DAB1: variants seen among roughly 807,000 people sequenced by gnomAD.
The protein encoded by DAB1 is DAB adaptor protein 1, also known as disabled homolog 1.
In DAB1, 15 loss-of-function variants were observed where a neutral mutation model predicts 64.6. That is an observed-to-expected ratio of 0.23 (90% CI 0.16 to 0.36). The LOEUF is 0.36. DAB1 is among the 10% of genes least tolerant of loss of function. DAB1 has a pLI of 1.00. For synonymous variants in DAB1, 235 were observed against 251.9 expected (o/e 0.93, Z 0.64); for missense variants, 596 against 706.7 (o/e 0.84, Z 1.78).
At chr1:57,719,932 C>G (rs1647131091) in intron 6 of DAB1, among the ~76,000 whole-genome samples, 1 of 152,204 alleles carries the variant, frequency 6.6e-6, no homozygotes, top group African/African-American at 2.4e-5. Context: ...TATATCAGAG[C>G]TGTTACTTAT....
rs1669977339 is a variant in DAB1 at position 57,259,015 on chromosome 1, T to A, written c.67+31949A>T. Among the ~76,000 whole-genome samples, 3 of 152,248 alleles carry A rather than the reference T, an allele frequency of 2.0e-5. No homozygotes were observed. The South Asian group carries it at 6.2e-4, about 32-fold the overall frequency. Reference sequence around the variant, plus strand: ...TTCATGCCTGCTTGGTAGATTTTTGTGAGGATTAATGAGATGGTTTTGATT... The same window carrying A: ...TTCATGCCTGCTTGGTAGATTTTTGAGAGGATTAATGAGATGGTTTTGATT... On this transcript the variant is annotated intron_variant, in intron 2 of 14. Transcript: ENST00000371236.
At chr1:58,357,052 A>G (rs919004201) in intron 3 of DAB1, among the ~76,000 whole-genome samples, 4 of 151,510 alleles carry the variant, frequency 2.6e-5, no homozygotes, top group South Asian at 4.2e-4. Flanking sequence ...AAAAAAAGTT[A>G]AAGTTTTTTT....
At chr1:57,399,350 A>G (rs1342241730) in intron 1 of DAB1, among the ~76,000 whole-genome samples, 1 of 152,226 alleles carries the variant, frequency 6.6e-6, no homozygotes, top group Non-Finnish European at 1.5e-5. Flanking sequence ...CCATAACATG[A>G]TAGATGGATG....
intron 3 of DAB1, among the ~76,000 whole-genome samples, chr1:58,366,353 T>C (rs1160640999): frequency 6.6e-6 from 1 of 152,190 alleles, no homozygotes; most frequent in Non-Finnish European, 1.5e-5. Flanking sequence ...ACAGGGCCAG[T>C]GACTAAGGGA....
chr1:57,458,754 C>T (rs140378499), intron 7 of DAB1, among the ~76,000 whole-genome samples: 1 of 151,936 alleles, frequency 6.6e-6, no homozygotes, highest in African/African-American at 2.4e-5. Flanking sequence ...GTTTCCAAAC[C>T]TTTTTAATGA....
intron 1 of DAB1, among the ~76,000 whole-genome samples, chr1:57,859,402 A>G (rs537834101): frequency 2.2e-4 from 34 of 152,282 alleles, no homozygotes; most frequent in Non-Finnish European, 4.0e-4. Context: ...TAGATAGTCT[A>G]TGTGCCAGAT....
At chr1:57,036,113 A>G (rs1249323636) in intron 9 of DAB1, among the ~76,000 whole-genome samples, 1 of 114,648 alleles carries the variant, frequency 8.7e-6, no homozygotes, top group Non-Finnish European at 1.8e-5. Context: ...CCCAATGCAC[A>G]TATTTTTTTA....
At chr1:58,061,940 G>A (rs555576411) in intron 5 of DAB1, among the ~76,000 whole-genome samples, 1 of 152,084 alleles carries the variant, frequency 6.6e-6, no homozygotes, top group African/African-American at 2.4e-5. Flanking sequence ...ACTGAGCTTA[G>A]TATCTACCCT....
chr1:57,256,640 C>T (rs1476813686), intron 2 of DAB1, among the ~76,000 whole-genome samples: 3 of 152,220 alleles, frequency 2.0e-5, no homozygotes, highest in African/African-American at 7.2e-5. Flanking sequence ...GGATTCTGAC[C>T]TTATGCCTTG....
At chr1:58,395,705 C>T (rs1644515603) in intron 3 of DAB1, among the ~76,000 whole-genome samples, 2 of 152,146 alleles carry the variant, frequency 1.3e-5, no homozygotes, top group Admixed American at 1.3e-4. Context: ...GACAGCCAGG[C>T]AGTACAGGTC....
intron 1 of DAB1, among the ~76,000 whole-genome samples, chr1:57,330,488 C>T (rs978489538): frequency 3.9e-5 from 6 of 152,108 alleles, no homozygotes; most frequent in South Asian, 2.1e-4. Flanking sequence ...TACTGAGCCT[C>T]GGTTTCCTCA....
At chr1:57,052,835 T>C (rs1315161880) in intron 9 of DAB1, among the ~76,000 whole-genome samples, 1 of 152,222 alleles carries the variant, frequency 6.6e-6, no homozygotes, top group Non-Finnish European at 1.5e-5. Flanking sequence ...TCGATAAGGT[T>C]GTCCTTTCCC....
At chr1:57,452,790 T>C (rs1281707547) in intron 7 of DAB1, among the ~76,000 whole-genome samples, 2 of 152,068 alleles carry the variant, frequency 1.3e-5, no homozygotes, top group Non-Finnish European at 2.9e-5. Context: ...TGCCTTGTTC[T>C]AAACACCATT....
chr1:57,198,492 C>T (rs1664812067), intron 2 of DAB1, among the ~76,000 whole-genome samples: 1 of 152,164 alleles, frequency 6.6e-6, no homozygotes, highest in African/African-American at 2.4e-5. Context: ...ACCACTCTCA[C>T]TATATTCCAA....
At chr1:58,311,976 G>T (rs1315097233) in intron 4 of DAB1, among the ~76,000 whole-genome samples, 1 of 152,160 alleles carries the variant, frequency 6.6e-6, no homozygotes, top group Non-Finnish European at 1.5e-5. Context: ...GCAAAGCAGG[G>T]ATTCAAACCC....
intron 7 of DAB1, among the ~76,000 whole-genome samples, chr1:57,548,457 T>G (rs576991240): frequency 5.3e-5 from 8 of 152,228 alleles, no homozygotes; most frequent in African/African-American, 1.9e-4. Flanking sequence ...CAGAGGTTTT[T>G]GTATATACAA....
At chr1:58,083,786 G>A (rs545946677) in intron 5 of DAB1, among the ~76,000 whole-genome samples, 15 of 152,268 alleles carry the variant, frequency 9.9e-5, no homozygotes, top group East Asian at 7.7e-4. Context: ...GGAAAATTAC[G>A]CTGATGAAAA....
At chr1:57,265,915 G>A (rs988009545) in intron 2 of DAB1, among the ~76,000 whole-genome samples, 1 of 152,166 alleles carries the variant, frequency 6.6e-6, no homozygotes, top group Admixed American at 6.5e-5. Flanking sequence ...TGAGATTAGA[G>A]AGGACTTCAG....
Position 57,071,072 on chromosome 1 carries a change from G to T in DAB1, c.559-11C>A, listed in dbSNP as rs9803960. 1 of 1,610,984 alleles carries T rather than the reference G, an allele frequency of 6.2e-7. No individual in the cohort carries two copies. Among genetic ancestry groups the T allele is most frequent in the Non-Finnish European group, 8.5e-7 (1 of 1,177,328 alleles). ...CTCTTCCAATATTGTCTATTGCAGA[G>T]TAAGGAGAGGGAGGGTGAAAAGCAG... On this transcript the variant is annotated splice_polypyrimidine_tract_variant and intron_variant, in intron 6 of 14. Transcript: ENST00000371236.
Sources: allele counts gnomAD v4.1 joint callset (sites outside exome capture counted in the v4.1 genomes callset), GRCh38; gene constraint gnomAD v4.1.1; transcripts MANE v1.5; gene names NCBI Gene and HGNC (gene_info 2026-07-23, HGNC 2026-07-21).